The following PRPF40B variants were observed in gnomAD, a reference collection of about 807,000 sequenced individuals.
The protein encoded by PRPF40B is pre-mRNA-processing factor 40 homolog B.
A neutral mutation model predicts 124.5 loss-of-function variants in PRPF40B; 56 were observed. The observed-to-expected ratio is 0.45, with a 90% CI of 0.36 to 0.56. The LOEUF is 0.56. PRPF40B is among the 20% of genes least tolerant of loss of function. PRPF40B has a pLI of 0.00. For missense variants in PRPF40B, 1,053 were observed against 1,169.5 expected, an observed-to-expected ratio of 0.90 and a Z score of 1.45; for synonymous variants, 443 against 426.4, an observed-to-expected ratio of 1.04 and a Z score of -0.48.
At chr12:49,623,463 A>T, upstream of PRPF40B, 1 of 1,048,406 alleles carries the variant, frequency 9.5e-7, no homozygotes, top group South Asian at 4.5e-5. Flanking sequence ...GGCGGGAGCC[A>T]CCGGAGCCCC....
intron 10 of PRPF40B, 30 bp from the exon 11 acceptor site, chr12:49,634,302 C>A (rs753416837): frequency 7.4e-6 from 12 of 1,613,806 alleles, no homozygotes; most frequent in Non-Finnish European, 1.0e-5. Flanking sequence ...AGCTGGGGGA[C>A]CCTGTGGCTG....
At chr12:49,632,068 C>A in intron 4 of PRPF40B, 143 bp downstream of exon 4, 1 of 799,916 alleles carries the variant, frequency 1.3e-6, no homozygotes, top group Non-Finnish European at 2.1e-6. Flanking sequence ...ACACTCAAAT[C>A]CTTCTCGCCA....
chr12:49,628,242 A>C (rs1186850151), intron 1 of PRPF40B, among the ~76,000 whole-genome samples: 2 of 152,168 alleles, frequency 1.3e-5, no homozygotes, highest in Non-Finnish European at 2.9e-5. Context: ...GGACAAGATG[A>C]AGGACAGTTT....
At chr12:49,643,458 C>T in intron 23 of PRPF40B, 61 bp downstream of exon 23, 1 of 1,511,566 alleles carries the variant, frequency 6.6e-7, no homozygotes, top group African/African-American at 1.4e-5. Flanking sequence ...AGAGGATGCC[C>T]TCCACAAGCC....
At chr12:49,636,879 C>T in intron 16 of PRPF40B, 30 bp downstream of exon 16, 1 of 1,612,518 alleles carries the variant, frequency 6.2e-7, no homozygotes, top group Non-Finnish European at 8.5e-7. Context: ...TAGATCAGAG[C>T]TCAGCTCTGC....
At chr12:49,632,762 C>G in intron 5 of PRPF40B, 93 bp from the exon 6 acceptor site, 1 of 1,601,090 alleles carries the variant, frequency 6.2e-7, no homozygotes, top group Non-Finnish European at 8.6e-7. Context: ...GACCAGGGGA[C>G]TATTTACTGG....
Position 49,642,957 on chromosome 12 carries a change from G to A in PRPF40B, c.2146G>A (p.Gly716Ser). 6.2e-7 allele frequency: 1 copy of A among 1,613,784 alleles called. No individual in the cohort carries two copies. Among genetic ancestry groups the A allele is most frequent in the African/African-American group, 1.3e-5 (1 of 75,036 alleles). The change falls in exon 22 of 26, where the codon GGC (glycine) becomes AGC (serine). Residue 716 changes from glycine (G) to serine (S), a missense_variant. Coordinates refer to ENST00000548825, the MANE Select transcript of PRPF40B (RefSeq NM_001031698.3). The surrounding 1 kb of genome is among the most constrained non-coding windows in gnomAD (Gnocchi z 5.8). The part of the protein sequence containing the change: ...ETECQHLHTK[G>S]RKHGRKGKKH... ...TGAATGCCAGCACCTCCACACCAAA[G>A]GCCGAAAGCATGGCAGGAAAGGCAA...
chr12:49,632,098 T>C, intron 4 of PRPF40B, 173 bp downstream of exon 4: 1 of 683,390 alleles, frequency 1.5e-6, no homozygotes, highest in Admixed American at 2.2e-5. Context: ...TCAGCTCTTC[T>C]AGTTTCCCAC....
intron 12 of PRPF40B, 122 bp downstream of exon 12, chr12:49,634,724 G>T (rs1592591033): frequency 3.9e-6 from 5 of 1,277,868 alleles, no homozygotes; most frequent in East Asian, 2.5e-5. Context: ...TGATAGATTG[G>T]GTTGGGGTGC....
At position 49,644,319 on chromosome 12, in the gene PRPF40B, A is replaced by G; in HGVS notation, c.*127A>G. 1 of 1,057,156 alleles carries G rather than the reference A, an allele frequency of 9.5e-7. No individual in the cohort carries two copies. The highest frequency in any genetic ancestry group is 1.4e-5 in the South Asian group (1 of 69,672). The allele number at this position is 1,057,156 out of a possible 1,614,324, so 65.5% of individuals were successfully genotyped here. A position where few individuals can be genotyped will look rare whatever the true frequency, so the allele number is the denominator to read the frequency against. ...CTTTTTCTAAAGTAACCCCACCCCCAGCACACCATTGTTGGCACCTCTCAA... is the reference window on the plus strand; with the variant it reads ...CTTTTTCTAAAGTAACCCCACCCCCGGCACACCATTGTTGGCACCTCTCAA... On this transcript the variant is annotated 3_prime_UTR_variant, in exon 26 of 26. Transcript: ENST00000548825.
intron 12 of PRPF40B, chr12:49,634,877 A>C: frequency 1.6e-6 from 1 of 636,236 alleles, no homozygotes; most frequent in South Asian, 2.1e-5. Flanking sequence ...TGACTTGAGA[A>C]CCCCAAAGGA....
rs777951796 is a variant in PRPF40B at position 49,644,180 on chromosome 12, T to C, written c.2667T>C (p.Asp889=). ...RRRRTLLQQL[D]DHQ Reference sequence around the variant, plus strand: ...GGCGGACACTCCTACAGCAGCTGGATGATCACCAGTGACCCAATGAGCTGT... The same window carrying C: ...GGCGGACACTCCTACAGCAGCTGGACGATCACCAGTGACCCAATGAGCTGT... Residue 889 remains aspartate (D), a synonymous_variant, in exon 26 of 26, where the codon GAT becomes GAC. Coordinates refer to ENST00000548825, the MANE Select transcript of PRPF40B (RefSeq NM_001031698.3). 23 of 1,614,078 alleles carry C rather than the reference T, an allele frequency of 1.4e-5. No homozygotes were observed. In the East Asian group the frequency reaches 5.1e-4, roughly 36 times the overall value.
chr12:49,636,790 C>A lies in PRPF40B; in HGVS notation c.1501C>A (p.Arg501=), dbSNP rs374081725. The part of the protein sequence containing the change: ...RALEREEEEE[R]ERARLRERRQ... The stretch of plus-strand genomic sequence containing the variant: ...TTTGGAGAGGGAAGAGGAGGAGGAA[C>A]GGGAGCGGGCCCGGCTTCGGGAGCG... The change falls in exon 16 of 26, where the codon CGG becomes AGG. Residue 501 remains arginine, a synonymous_variant. Coordinates refer to ENST00000548825, the MANE Select transcript of PRPF40B (RefSeq NM_001031698.3). 1 of 1,614,180 alleles carries A rather than the reference C, an allele frequency of 6.2e-7. No individual in the cohort carries two copies. The highest frequency in any genetic ancestry group is 8.5e-7 in the Non-Finnish European group (1 of 1,180,040).
chr12:49,622,846 G>A (rs1388098983), upstream of PRPF40B: 2 of 152,248 alleles, frequency 1.3e-5, no homozygotes, highest in Non-Finnish European at 2.9e-5. Flanking sequence ...CAGCCCCAAG[G>A]CCTTCAGCGC....
At chr12:49,633,383 A>T in intron 7 of PRPF40B, 44 bp from the exon 8 acceptor site, 1 of 1,612,540 alleles carries the variant, frequency 6.2e-7, no homozygotes, top group South Asian at 1.1e-5. Flanking sequence ...CTGGCTGGAG[A>T]ACTTGCCCAT....
In PRPF40B at chr12:49,642,803, A is replaced by C. The variant is rs1942852656; in HGVS notation, c.2119-127A>C. On this transcript the variant is annotated intron_variant, in intron 21 of 25. Coordinates refer to ENST00000548825, the MANE Select transcript of PRPF40B (RefSeq NM_001031698.3). The surrounding 1 kb of genome is among the most constrained non-coding windows in gnomAD (Gnocchi z 5.8). ...GGCCAGCTAAGGAAGGGGAGGCCTGAGGATCCCTGGGATAGGCAGAAGGCT... is the reference window on the plus strand; with the variant it reads ...GGCCAGCTAAGGAAGGGGAGGCCTGCGGATCCCTGGGATAGGCAGAAGGCT... 1 of 1,425,244 alleles carries C rather than the reference A, an allele frequency of 7.0e-7. No individual in the cohort carries two copies. The highest frequency in any genetic ancestry group is 1.4e-5 in the African/African-American group (1 of 70,262). 88.3% of individuals were successfully genotyped at this position (1,425,244 alleles called of 1,614,324 possible).
At chr12:49,629,318 A>T (rs1418981708) in intron 1 of PRPF40B, among the ~76,000 whole-genome samples, 5 of 152,228 alleles carry the variant, frequency 3.3e-5, no homozygotes, top group African/African-American at 1.2e-4. Flanking sequence ...TCTTGTTTAT[A>T]ACTGTATAGC....
In PRPF40B at chr12:49,635,160, AAGG is replaced by A. The variant is rs746557020; in HGVS notation, c.1069_1071del (p.Glu357del). 1.9e-6 allele frequency: 3 copies of A among 1,613,988 alleles called. No homozygotes were observed. The highest frequency in any genetic ancestry group is 2.5e-6 in the Non-Finnish European group (3 of 1,180,000). On this transcript the variant is annotated inframe_deletion, in exon 13 of 26. Transcript: ENST00000548825. The surrounding 1 kb of genome is among the most constrained non-coding windows in gnomAD (Gnocchi z 4.1). ...CAATGCCTACAAGGCGCAGCGGGAG[AAGG>A]AGGAGAAGGAGGAGGCCCGGCTAAG...
At chr12:49,623,053 CTTT>C (rs76184248), upstream of PRPF40B, among the ~76,000 whole-genome samples, 12 of 139,978 alleles carry the variant, frequency 8.6e-5, no homozygotes, top group Admixed American at 5.7e-4. Context: ...GGGGATTTGT[CTTT>C]TTTTTTTTTT....
Sources: allele counts gnomAD v4.1 joint callset (sites outside exome capture counted in the v4.1 genomes callset), GRCh38; gene constraint gnomAD v4.1.1; non-coding constraint Gnocchi (gnomAD v3.1); transcripts MANE v1.5; gene names NCBI Gene and HGNC (gene_info 2026-07-23, HGNC 2026-07-21).